The following RSPO2 variants were observed in gnomAD, a reference collection of about 807,000 sequenced individuals.
RSPO2 encodes the protein R-spondin-2.
In RSPO2, 14 loss-of-function variants were observed where a neutral mutation model predicts 30.9. The ratio of observed to expected loss-of-function variants is 0.45; its 90% CI spans 0.30 to 0.71. The LOEUF (loss-of-function observed/expected upper bound fraction) is 0.71. Ranked by LOEUF, RSPO2 falls within the 30% of genes least tolerant of loss-of-function variation. The probability of loss-of-function intolerance (pLI) is 0.08; values close to 1 mark genes in which losing one functional copy is unlikely to be tolerated. For synonymous variants in RSPO2, 107 were observed against 96.4 expected, an observed-to-expected ratio of 1.11 and a Z score of -0.64; for missense variants, 264 against 301.9, an observed-to-expected ratio of 0.87 and a Z score of 0.93.
intron 2 of RSPO2, among the ~76,000 whole-genome samples, chr8:108,045,152 G>A (rs1811874348): frequency 6.6e-6 from 1 of 152,032 alleles, no homozygotes; most frequent in Non-Finnish European, 1.5e-5. Context: ...CCTACAGAAT[G>A]GGAGAAAATA....
intron 3 of RSPO2, among the ~76,000 whole-genome samples, chr8:107,975,444 T>C (rs985258584): frequency 6.6e-6 from 1 of 152,220 alleles, no homozygotes; most frequent in African/African-American, 2.4e-5. Flanking sequence ...CATTGAACTA[T>C]TTAACTTCTC....
At chr8:107,958,351 G>A in intron 4 of RSPO2, 83 bp from the exon 5 acceptor site, 2 of 1,154,408 alleles carry the variant, frequency 1.7e-6, no homozygotes, top group East Asian at 2.4e-5. Flanking sequence ...CAAATTTACA[G>A]AGCAGTGTTC....
chr8:108,072,614 A>G lies in RSPO2; in HGVS notation c.94+9931T>C, dbSNP rs901310329. Among the ~76,000 whole-genome samples the G allele has an allele frequency of 9.9e-5, 15 of 151,460 alleles. No homozygotes were observed. The East Asian group carries it at 2.9e-3, about 30-fold the overall frequency. On this transcript the variant is annotated intron_variant, in intron 2 of 5. Transcript: ENST00000276659. ...CGGCCTCCCAAAGTGCTGGGATTAC[A>G]GGCATAAGCCACCGCGCCCGGCCGA...
rs561529750 is a variant in RSPO2, at chr8:108,001,578, C to T, written c.95-12334G>A. On this transcript the variant is annotated intron_variant, in intron 2 of 5. Transcript: ENST00000276659. ...GAAAATATGCTACCAGAATCACGAG[C>T]TCCTCAATTTGTACAACTGCTAACA... Among the ~76,000 whole-genome samples, 4 of 152,280 alleles carry T rather than the reference C, an allele frequency of 2.6e-5. No individual in the cohort carries two copies. The South Asian group carries it at 8.3e-4, about 32-fold the overall frequency.
chr8:108,011,716 C>T (rs988445066), intron 2 of RSPO2, among the ~76,000 whole-genome samples: 12 of 152,196 alleles, frequency 7.9e-5, no homozygotes, highest in African/African-American at 2.2e-4. Context: ...GTTTGAACCA[C>T]ATGCATGGAA....
At chr8:108,051,953 C>T (rs1812091888) in intron 2 of RSPO2, among the ~76,000 whole-genome samples, 1 of 152,158 alleles carries the variant, frequency 6.6e-6, no homozygotes, top group African/African-American at 2.4e-5. Context: ...TGGTAACTTG[C>T]ACCAAACTGA....
At chr8:108,008,984 G>T (rs555254435) in intron 2 of RSPO2, among the ~76,000 whole-genome samples, 1 of 152,092 alleles carries the variant, frequency 6.6e-6, no homozygotes, top group Admixed American at 6.5e-5. Flanking sequence ...ATTGAAAAAG[G>T]TAGAAATTAA....
chr8:107,902,939 G>A (rs577017986), intron 5 of RSPO2, among the ~76,000 whole-genome samples: 16 of 152,154 alleles, frequency 1.1e-4, no homozygotes, highest in South Asian at 6.2e-4. Context: ...ATCTTGAAAC[G>A]TAGTTAATCC....
At chr8:108,069,439 C>G (rs1162528510) in intron 2 of RSPO2, among the ~76,000 whole-genome samples, 1 of 152,176 alleles carries the variant, frequency 6.6e-6, no homozygotes, top group African/African-American at 2.4e-5. Context: ...GTCGCAATCT[C>G]TTGACTTTGT....
At chr8:107,920,941 C>T (rs1812145565) in intron 5 of RSPO2, among the ~76,000 whole-genome samples, 1 of 152,046 alleles carries the variant, frequency 6.6e-6, no homozygotes, top group African/African-American at 2.4e-5. Context: ...GTCTGGAATG[C>T]AATAGACAGC....
chr8:107,924,726 T>C (rs968096586), intron 5 of RSPO2, among the ~76,000 whole-genome samples: 2 of 151,830 alleles, frequency 1.3e-5, no homozygotes, highest in South Asian at 4.1e-4. Context: ...GCCAGAGCAG[T>C]GGAAAAAGAA....
intron 2 of RSPO2, among the ~76,000 whole-genome samples, chr8:108,011,692 G>GT (rs1810716188): frequency 6.6e-6 from 1 of 152,172 alleles, no homozygotes; most frequent in Non-Finnish European, 1.5e-5. Flanking sequence ...AAAGAACAAA[G>GT]TAGAATGTGT....
At chr8:107,919,298 G>C (rs962645511) in intron 5 of RSPO2, among the ~76,000 whole-genome samples, 3 of 152,146 alleles carry the variant, frequency 2.0e-5, no homozygotes, top group African/African-American at 7.2e-5. Flanking sequence ...AACTGAGATA[G>C]TGAAAGAGAT....
intron 2 of RSPO2, among the ~76,000 whole-genome samples, chr8:108,011,387 T>C (rs561877158): frequency 6.6e-6 from 1 of 152,242 alleles, no homozygotes; most frequent in East Asian, 1.9e-4. Context: ...ATATTAACAG[T>C]GATTACTACA....
chr8:107,934,339 A>T (rs2130354459), intron 5 of RSPO2, among the ~76,000 whole-genome samples: 1 of 151,444 alleles, frequency 6.6e-6, no homozygotes, highest in South Asian at 2.1e-4. Context: ...AAAAAACCAG[A>T]CTCATTACAT....
At chr8:107,954,216 A>G (rs1813340228) in intron 5 of RSPO2, among the ~76,000 whole-genome samples, 1 of 152,250 alleles carries the variant, frequency 6.6e-6, no homozygotes, top group South Asian at 2.1e-4. Context: ...AGAAGACCAC[A>G]GCCACCTACA....
chr8:107,934,558 G>A (rs563589147), intron 5 of RSPO2, among the ~76,000 whole-genome samples: 2 of 151,946 alleles, frequency 1.3e-5, no homozygotes, highest in Non-Finnish European at 2.9e-5. Context: ...TTTTAGTAGA[G>A]ACAGGGTTTC....
At chr8:107,970,056 C>T (rs1334922821) in intron 3 of RSPO2, among the ~76,000 whole-genome samples, 1 of 152,144 alleles carries the variant, frequency 6.6e-6, no homozygotes, top group African/African-American at 2.4e-5. Flanking sequence ...ATACCTTAAT[C>T]TCTTTATACT....
intron 2 of RSPO2, among the ~76,000 whole-genome samples, chr8:108,057,970 C>T (rs1812310658): frequency 6.6e-6 from 1 of 152,096 alleles, no homozygotes; most frequent in Admixed American, 6.5e-5. Flanking sequence ...CCTTTATTTC[C>T]TTCTCCTGCC....
Sources: gnomAD v4.1 joint callset for allele counts (sites outside exome capture counted in the v4.1 genomes callset) on GRCh38, gnomAD v4.1.1 for gene constraint, MANE v1.5 for transcripts, NCBI Gene and HGNC (gene_info 2026-07-23, HGNC 2026-07-21) for gene names.